SLC35F4: variants seen among roughly 807,000 people sequenced by gnomAD.
SLC35F4 encodes chromosome 14 open reading frame 36.
Under a neutral mutation model 44.2 loss-of-function variants are expected in SLC35F4, and 24 were observed. The observed-to-expected ratio is 0.54, with a 90% CI of 0.39 to 0.76. SLC35F4 has a LOEUF of 0.76. Ranked by LOEUF, SLC35F4 falls within the 30% of genes least tolerant of loss-of-function variation. The pLI, the probability that SLC35F4 is intolerant of heterozygous loss-of-function variation, is 0.00. For synonymous variants in SLC35F4, 238 were observed against 223.6 expected (o/e 1.06, Z -0.57); for missense variants, 562 against 586.1 (o/e 0.96, Z 0.42).
intron 1 of SLC35F4, among the ~76,000 whole-genome samples, chr14:57,686,458 A>G (rs909325543): frequency 6.6e-6 from 1 of 152,192 alleles, no homozygotes; most frequent in African/African-American, 2.4e-5. Context: ...ACCAAAAGCC[A>G]TTAGAAGACT....
rs1165675850 is a variant in SLC35F4 at position 57,585,465 on chromosome 14, C to G, written c.587+3751G>C. Among the ~76,000 whole-genome samples, 8 of 152,040 alleles carry G rather than the reference C, an allele frequency of 5.3e-5. No individual in the cohort carries two copies. The East Asian group carries it at 1.5e-3, about 29-fold the overall frequency. On this transcript the variant is annotated intron_variant, in intron 3 of 7. Transcript: ENST00000556826. ...GATGCCATCTCTTACCACTCCTATTCAACATAGTATTGGAAGTTCTGGCCA... is the reference window on the plus strand; with the variant it reads ...GATGCCATCTCTTACCACTCCTATTGAACATAGTATTGGAAGTTCTGGCCA...
intron 5 of SLC35F4, 29 bp downstream of exon 5, chr14:57,571,865 T>C: frequency 6.3e-7 from 1 of 1,597,848 alleles, no homozygotes; most frequent in Non-Finnish European, 8.5e-7. Context: ...TGAGTGACAG[T>C]TGCTTACAAA....
chr14:57,737,098 TTGTG>T (rs5808938), intron 1 of SLC35F4, among the ~76,000 whole-genome samples: 292 of 148,868 alleles, frequency 2.0e-3, no homozygotes, highest in Non-Finnish European at 2.7e-3. Context: ...CTTTCTATCT[TTGTG>T]TGTGTGTGTG....
intron 1 of SLC35F4, among the ~76,000 whole-genome samples, chr14:57,848,183 C>T (rs1595203970): frequency 6.6e-6 from 1 of 152,252 alleles, no homozygotes; most frequent in East Asian, 1.9e-4. Context: ...ATAAATAAGG[C>T]TAAAATCAGC....
At chr14:57,573,337 T>C (rs1316867626) in intron 4 of SLC35F4, among the ~76,000 whole-genome samples, 4 of 152,160 alleles carry the variant, frequency 2.6e-5, no homozygotes, top group African/African-American at 9.7e-5. Context: ...TACTTGAGAA[T>C]AGACATAGAC....
intron 1 of SLC35F4, among the ~76,000 whole-genome samples, chr14:57,741,933 A>G (rs1056000671): frequency 1.3e-5 from 2 of 152,214 alleles, no homozygotes; most frequent in Middle Eastern, 3.2e-3. Context: ...ATTCTCAAAG[A>G]AAGGAATTTT....
chr14:57,590,351 C>G (rs1313057951), intron 2 of SLC35F4, among the ~76,000 whole-genome samples: 2 of 151,914 alleles, frequency 1.3e-5, no homozygotes, highest in Non-Finnish European at 2.9e-5. Context: ...AATGATTGTA[C>G]CACTGCACTC....
intron 1 of SLC35F4, among the ~76,000 whole-genome samples, chr14:57,962,417 C>T (rs1006902789): frequency 2.0e-5 from 3 of 152,162 alleles, no homozygotes; most frequent in Non-Finnish European, 2.9e-5. Flanking sequence ...CCTGGCAGCT[C>T]CCATTAAGCC....
At chr14:57,699,488 G>A (rs964310476) in intron 1 of SLC35F4, among the ~76,000 whole-genome samples, 2 of 152,156 alleles carry the variant, frequency 1.3e-5, no homozygotes, top group Admixed American at 6.5e-5. Context: ...TTGTCACCAG[G>A]AAGTGTGGCT....
At chr14:57,577,599 A>AAAAC (rs2139766119) in intron 4 of SLC35F4, among the ~76,000 whole-genome samples, 1 of 152,322 alleles carries the variant, frequency 6.6e-6, no homozygotes, top group African/African-American at 2.4e-5. Context: ...TCATTGGTGT[A>AAAAC]AAACAGATAC....
intron 1 of SLC35F4, among the ~76,000 whole-genome samples, chr14:57,687,783 T>C (rs2075110154): frequency 6.6e-6 from 1 of 152,216 alleles, no homozygotes; most frequent in Non-Finnish European, 1.5e-5. Context: ...TAGTGATAGA[T>C]TCCTTTATTT....
intron 2 of SLC35F4, among the ~76,000 whole-genome samples, chr14:57,593,583 A>G (rs191039139): frequency 6.6e-6 from 1 of 152,306 alleles, no homozygotes; most frequent in East Asian, 1.9e-4. Context: ...TCTTTTCAGG[A>G]TGGGTACATT....
chr14:57,586,615 G>T (rs2069740411), intron 3 of SLC35F4, among the ~76,000 whole-genome samples: 1 of 149,908 alleles, frequency 6.7e-6, no homozygotes, highest in African/African-American at 2.5e-5. Context: ...CTACTCAGGA[G>T]GCTAAGGCAG....
At chr14:57,740,670 G>C (rs1399695179) in intron 1 of SLC35F4, among the ~76,000 whole-genome samples, 1 of 152,198 alleles carries the variant, frequency 6.6e-6, no homozygotes, top group Non-Finnish European at 1.5e-5. Context: ...CTACCATAGA[G>C]AAAAGACAAA....
intron 5 of SLC35F4, 129 bp from the exon 6 acceptor site, chr14:57,570,109 T>G (rs2068422429): frequency 1.3e-6 from 1 of 769,044 alleles, no homozygotes; most frequent in Non-Finnish European, 2.0e-6. Context: ...CCTGACATCT[T>G]CACAGCACTA....
At chr14:57,621,070 G>A (rs2072152045) in intron 1 of SLC35F4, among the ~76,000 whole-genome samples, 1 of 151,360 alleles carries the variant, frequency 6.6e-6, no homozygotes, top group South Asian at 2.1e-4. Context: ...ATTCACAATT[G>A]CTTCAAAGAG....
chr14:57,879,297 T>C (rs1888467927), intron 1 of SLC35F4, among the ~76,000 whole-genome samples: 1 of 152,114 alleles, frequency 6.6e-6, no homozygotes, highest in Admixed American at 6.6e-5. Context: ...CCTGCCTTTG[T>C]CGCTAAATAC....
At chr14:57,720,937 C>A (rs914626779) in intron 1 of SLC35F4, among the ~76,000 whole-genome samples, 1 of 129,902 alleles carries the variant, frequency 7.7e-6, no homozygotes, top group Non-Finnish European at 1.6e-5. Flanking sequence ...TTGTAGACAG[C>A]CTATTGTGTG....
At chr14:57,782,803 A>G (rs1220076905) in intron 1 of SLC35F4, among the ~76,000 whole-genome samples, 1 of 152,192 alleles carries the variant, frequency 6.6e-6, no homozygotes, top group African/African-American at 2.4e-5. Flanking sequence ...TTTGAATAAC[A>G]CCATTAGAAC....
Sources: gnomAD v4.1 joint callset for allele counts (sites outside exome capture counted in the v4.1 genomes callset) on GRCh38, gnomAD v4.1.1 for gene constraint, MANE v1.5 for transcripts, NCBI Gene and HGNC (gene_info 2026-07-23, HGNC 2026-07-21) for gene names.